Variants in DZIP1L observed in about 807,000 individuals in gnomAD.
The protein encoded by DZIP1L is cilium assembly protein DZIP1L.
DZIP1L carries 90 observed loss-of-function variants against 88.7 expected under a neutral mutation model. That is an observed-to-expected ratio of 1.02 (90% confidence interval 0.86 to 1.21). The LOEUF is 1.21. Ranked by LOEUF, DZIP1L falls within the 50% of genes most tolerant of loss-of-function variation. The probability of loss-of-function intolerance (pLI) is 0.00; values close to 1 mark genes in which losing one functional copy is unlikely to be tolerated. For missense variants in DZIP1L, 932 were observed against 955.8 expected, an observed-to-expected ratio of 0.98 and a Z score of 0.33; for synonymous variants, 363 against 372.1, an observed-to-expected ratio of 0.98 and a Z score of 0.28.
At position 138,094,839 on chromosome 3, in the gene DZIP1L, T is replaced by C. The variant is rs765238752; in HGVS notation, c.708+23A>G. 10 of 1,613,876 alleles carry C rather than the reference T, an allele frequency of 6.2e-6. No homozygotes were observed. The Admixed American group carries it at 1.7e-4, about 27-fold the overall frequency. On this transcript the variant is annotated intron_variant, in intron 4 of 15. Transcript: ENST00000327532. ...GGGTAGTCCATGACCCAAGTCTCCC[T>C]GATGTTTTCTCTCCCTGCCCACCTG...
intron 11 of DZIP1L, among the ~76,000 whole-genome samples, chr3:138,076,103 G>A (rs1943395754): frequency 6.6e-6 from 1 of 152,308 alleles, no homozygotes; most frequent in East Asian, 1.9e-4. Flanking sequence ...TAGCAGCACT[G>A]GAGGTCCTAA....
At position 138,062,578 on chromosome 3, in the gene DZIP1L, C is replaced by A. The variant is rs1415654099; in HGVS notation, c.*238G>T. 1.3e-5 allele frequency: 6 copies of A among 468,932 alleles called. No homozygotes were observed. In the South Asian group the frequency reaches 2.5e-4, roughly 20 times the overall value. 29.0% of individuals were successfully genotyped at this position (468,932 alleles called of 1,614,324 possible). On this transcript the variant is annotated 3_prime_UTR_variant, in exon 16 of 16. Coordinates refer to ENST00000327532, the MANE Select transcript of DZIP1L (RefSeq NM_173543.3). ...AACTACCTGGAGGTTCTATTTTAAC[C>A]CTTTCTCAAGCCTGGGGACCTAGGG... is the stretch of plus-strand genomic sequence containing the variant.
Position 138,104,035 on chromosome 3 carries a change from A to T in DZIP1L, c.-64T>A, listed in dbSNP as rs528524960. The T allele has an allele frequency of 2.6e-6, 4 of 1,540,940 alleles. No individual in the cohort carries two copies. The South Asian group carries it at 5.0e-5, about 19-fold the overall frequency. On this transcript the variant is annotated 5_prime_UTR_variant, in exon 2 of 16. Coordinates refer to ENST00000327532, the MANE Select transcript of DZIP1L (RefSeq NM_173543.3). The stretch of plus-strand genomic sequence containing the variant: ...GGCACCAAGGCCACGGCAGTAGGCC[A>T]AGGAGCTGAGAGAAGGCCTGGAAAA...
intron 2 of DZIP1L, 76 bp from the exon 3 acceptor site, chr3:138,097,923 C>A: frequency 3.1e-6 from 4 of 1,301,990 alleles, no homozygotes; most frequent in South Asian, 1.3e-5. Context: ...TATATCAAAG[C>A]CCCCATCCCC....
At chr3:138,089,301 A>C in intron 5 of DZIP1L, 5 of 983,764 alleles carry the variant, frequency 5.1e-6, no homozygotes, top group Non-Finnish European at 6.0e-6. Flanking sequence ...GCTTGATCAG[A>C]TGTATGCACA....
intron 11 of DZIP1L, 131 bp downstream of exon 11, chr3:138,077,368 G>A (rs1275346645): frequency 2.2e-6 from 3 of 1,392,516 alleles, no homozygotes; most frequent in Middle Eastern, 1.9e-4. Flanking sequence ...AGATGCCAGA[G>A]GAGCCCGGGC....
Position 138,103,650 on chromosome 3 carries a change from C to A in DZIP1L, c.322G>T (p.Val108Phe). The change falls in exon 2 of 16, where the codon GTT (valine) becomes TTT (phenylalanine). Residue 108 changes from valine to phenylalanine, a missense_variant. Physicochemically the swap from Val to Phe is conservative, Grantham distance 50 (BLOSUM62 -1). Coordinates refer to ENST00000327532, the MANE Select transcript of DZIP1L (RefSeq NM_173543.3). ...LHCQDCLSASVAQLEARLQTS... is the reference protein window; with the variant it reads ...LHCQDCLSASFAQLEARLQTS... ...TGCAGCCGTGCCTCCAGCTGGGCAA[C>A]ACTGGCACTCAGGCAATCCTGGCAG... 6.2e-7 allele frequency: 1 copy of A among 1,608,456 alleles called. No homozygotes were observed. The highest frequency in any genetic ancestry group is 2.2e-5 in the East Asian group (1 of 44,838).
At chr3:138,085,196 G>A (rs1467831830) in intron 7 of DZIP1L, among the ~76,000 whole-genome samples, 3 of 152,174 alleles carry the variant, frequency 2.0e-5, no homozygotes, top group Non-Finnish European at 2.9e-5. Context: ...ATAGGCATGG[G>A]CAAGGACTTC....
At chr3:138,103,065 C>T (rs773658182) in intron 2 of DZIP1L, 143 of 440,262 alleles carry the variant, frequency 3.2e-4, no homozygotes, top group Non-Finnish European at 5.2e-4. Flanking sequence ...TACAAGCACA[C>T]ATTACACACC....
chr3:138,094,936 G>A lies in DZIP1L; in HGVS notation c.634C>T (p.Leu212=). Residue 212 remains leucine (L), a synonymous_variant, in exon 4 of 16, where the codon CTA becomes TTA. Transcript: ENST00000327532. Reference sequence around the variant, plus strand: ...TGGGTCCACTTTAGCTTGGCCCGTAGCTCTTCTAACACCTCTTCCACTGGC... The same window carrying A: ...TGGGTCCACTTTAGCTTGGCCCGTAACTCTTCTAACACCTCTTCCACTGGC... The part of the protein sequence containing the change: ...EQPVEEVLEE[L]RAKLKWTQGE... 1 of 1,614,158 alleles carries A rather than the reference G, an allele frequency of 6.2e-7. No homozygotes were observed. Among genetic ancestry groups the A allele is most frequent in the Non-Finnish European group, 8.5e-7 (1 of 1,179,948 alleles).
chr3:138,074,177 C>T (rs180916630), intron 11 of DZIP1L, among the ~76,000 whole-genome samples: 2 of 152,258 alleles, frequency 1.3e-5, no homozygotes, highest in African/African-American at 2.4e-5. Flanking sequence ...TTACTAGAGA[C>T]CTAGGCATCC....
intron 6 of DZIP1L, among the ~76,000 whole-genome samples, chr3:138,087,877 G>A (rs1220164163): frequency 2.6e-5 from 4 of 152,238 alleles, no homozygotes; most frequent in African/African-American, 9.6e-5. Context: ...ACCAGCTGGT[G>A]AGAGCAGACT....
intron 7 of DZIP1L, among the ~76,000 whole-genome samples, chr3:138,084,502 A>C (rs1943832415): frequency 6.6e-6 from 1 of 152,256 alleles, no homozygotes; most frequent in Non-Finnish European, 1.5e-5. Context: ...ATTGAAGAAC[A>C]GTCAGATAAA....
chr3:138,062,783 C>T lies in DZIP1L; in HGVS notation c.*33G>A, dbSNP rs1476280820. ...TGGACCTGAGCTGGCCCCAGCCAGG[C>T]TAACCCTCTAGCCAGCTAGCTTCTG... On this transcript the variant is annotated 3_prime_UTR_variant, in exon 16 of 16. Transcript: ENST00000327532. 6.2e-7 allele frequency: 1 copy of T among 1,611,798 alleles called. No individual in the cohort carries two copies. Among genetic ancestry groups the T allele is most frequent in the Admixed American group, 1.7e-5 (1 of 59,988 alleles).
In DZIP1L at chr3:138,102,219, C is replaced by T. The variant is rs971306459; in HGVS notation, c.501+1252G>A. 3.1e-5 allele frequency: 43 copies of T among 1,396,962 alleles called. No individual in the cohort carries two copies. The African/African-American group carries it at 3.1e-4, about 10-fold the overall frequency. 86.5% of individuals were successfully genotyped at this position (1,396,962 alleles called of 1,614,324 possible). On this transcript the variant is annotated intron_variant, in intron 2 of 15. Transcript: ENST00000327532. ...GTCCGAGATCTGGGACTGCAGCTCC[C>T]GGATCTCCTCTTCATACAGCTGCCT...
chr3:138,101,541 C>T (rs1228767902), intron 2 of DZIP1L: 2 of 795,826 alleles, frequency 2.5e-6, no homozygotes, highest in Non-Finnish European at 4.5e-6. Context: ...CTATCTTCTT[C>T]ACAACCACAG....
chr3:138,069,010 C>G, intron 12 of DZIP1L: 2 of 1,271,018 alleles, frequency 1.6e-6, no homozygotes, highest in Admixed American at 7.5e-5. Context: ...GAGTTTCTTA[C>G]AGTAATTCAA....
chr3:138,092,631 T>C, intron 4 of DZIP1L, 87 bp from the exon 5 acceptor site: 1 of 1,351,658 alleles, frequency 7.4e-7, no homozygotes, highest in Non-Finnish European at 9.8e-7. Context: ...TCCTTGTCTA[T>C]GCAAGTCACT....
intron 7 of DZIP1L, among the ~76,000 whole-genome samples, chr3:138,084,788 T>C (rs571359708): frequency 3.2e-4 from 48 of 152,330 alleles, no homozygotes; most frequent in African/African-American, 1.0e-3. Flanking sequence ...GAAATGTGAA[T>C]GTGAATGTGA....
Sources: allele counts gnomAD v4.1 joint callset (sites outside exome capture counted in the v4.1 genomes callset), GRCh38; gene constraint gnomAD v4.1.1; transcripts MANE v1.5; gene names NCBI Gene and HGNC (gene_info 2026-07-23, HGNC 2026-07-21).